Variants in PARD3B observed in about 807,000 individuals in gnomAD.
PARD3B encodes partitioning defective 3 homolog B.
Under a neutral mutation model 130.2 loss-of-function variants are expected in PARD3B, and 103 were observed. That is an observed-to-expected ratio of 0.79 (90% CI 0.67 to 0.93). The LOEUF is 0.93. Among genes scored for constraint, PARD3B ranks in the 40% least tolerant of loss-of-function variants. The pLI, the probability that PARD3B is intolerant of heterozygous loss-of-function variation, is 0.00. For missense variants in PARD3B, 1,609 were observed against 1,499.2 expected (o/e 1.07, Z -1.21); for synonymous variants, 583 against 553.2 (o/e 1.05, Z -0.76).
intron 4 of PARD3B, among the ~76,000 whole-genome samples, chr2:205,094,705 G>A (rs1458991906): frequency 6.6e-6 from 1 of 152,152 alleles, no homozygotes. Flanking sequence ...TGGCATGCGT[G>A]AAATGCCTGT....
chr2:204,965,926 T>TA (rs1205803785), intron 3 of PARD3B, among the ~76,000 whole-genome samples: 5 of 152,210 alleles, frequency 3.3e-5, no homozygotes. Context: ...GTTTTGGTGA[T>TA]ACCTCCTAAA....
At chr2:204,835,544 A>G (rs1421686699) in intron 2 of PARD3B, among the ~76,000 whole-genome samples, 2 of 152,020 alleles carry the variant, frequency 1.3e-5, no homozygotes, top group South Asian at 2.1e-4. Flanking sequence ...CCCTTCCCCA[A>G]ACTTGTATTG....
chr2:204,846,851 C>G (rs2044481445), intron 2 of PARD3B, among the ~76,000 whole-genome samples: 1 of 151,920 alleles, frequency 6.6e-6, no homozygotes. Context: ...GTTCAGTTCC[C>G]TGAATCACAG....
rs143179892 is a variant in PARD3B at position 205,610,753 on chromosome 2, T to C, written c.3261-4703T>C. On this transcript the variant is annotated intron_variant, in intron 22 of 22. Transcript: ENST00000406610. ...CTGTGTTGGACCCAATACAACCCTT[T>C]ATTCAGCCCACCATCCCTCCTACTT... 4.6e-5 allele frequency among the ~76,000 whole-genome samples: 7 copies of C among 152,300 alleles called. No individual in the cohort carries two copies. In the East Asian group the frequency reaches 1.3e-3, roughly 29 times the overall value.
At chr2:204,615,674 C>T (rs1448638067) in intron 1 of PARD3B, among the ~76,000 whole-genome samples, 4 of 152,090 alleles carry the variant, frequency 2.6e-5, no homozygotes, top group African/African-American at 7.2e-5. Flanking sequence ...TTTTAGACAG[C>T]GTCTGCCAAA....
At chr2:204,684,734 A>G (rs990372868) in intron 1 of PARD3B, among the ~76,000 whole-genome samples, 13 of 152,204 alleles carry the variant, frequency 8.5e-5, no homozygotes, top group Non-Finnish European at 1.6e-4. Context: ...CCCACTGCTT[A>G]TATCTTTGAG....
intron 2 of PARD3B, among the ~76,000 whole-genome samples, chr2:204,776,383 G>A (rs1448519029): frequency 2.6e-5 from 4 of 152,086 alleles, no homozygotes; most frequent in Non-Finnish European, 4.4e-5. Flanking sequence ...TGAACTCTTT[G>A]GCCTCAGAGG....
intron 2 of PARD3B, among the ~76,000 whole-genome samples, chr2:204,951,794 G>A (rs992323864): frequency 6.6e-6 from 1 of 152,190 alleles, no homozygotes; most frequent in African/African-American, 2.4e-5. Flanking sequence ...TGATAAACCA[G>A]CTGAATCCTG....
chr2:205,506,702 G>A (rs140175586), intron 21 of PARD3B, among the ~76,000 whole-genome samples: 224 of 152,296 alleles, frequency 1.5e-3, no homozygotes, highest in Non-Finnish European at 1.5e-3. Context: ...GCCATCAATG[G>A]TCCAATACCA....
intron 2 of PARD3B, among the ~76,000 whole-genome samples, chr2:204,928,181 G>A (rs1425385303): frequency 3.3e-5 from 5 of 152,038 alleles, no homozygotes; most frequent in Admixed American, 3.3e-4. Flanking sequence ...TATGACCTTG[G>A]CTGGGACAAT....
chr2:205,496,259 G>T (rs970069141), intron 20 of PARD3B, among the ~76,000 whole-genome samples: 3 of 152,040 alleles, frequency 2.0e-5, no homozygotes, highest in African/African-American at 7.3e-5. Flanking sequence ...TATTAATTTG[G>T]TGGTAAGCAT....
chr2:204,863,049 G>A (rs577485402), intron 2 of PARD3B, among the ~76,000 whole-genome samples: 3 of 152,268 alleles, frequency 2.0e-5, no homozygotes, highest in African/African-American at 7.2e-5. Context: ...TCGGGAAAGG[G>A]CGGGCTCCAT....
chr2:204,617,660 C>A (rs1334645474), intron 1 of PARD3B, among the ~76,000 whole-genome samples: 1 of 152,034 alleles, frequency 6.6e-6, no homozygotes, highest in Admixed American at 6.6e-5. Context: ...AATTTTGTCA[C>A]CCAAGTAACC....
chr2:204,614,222 T>A lies in PARD3B; in HGVS notation c.120+68103T>A, dbSNP rs77592198. On this transcript the variant is annotated intron_variant, in intron 1 of 22. Coordinates refer to ENST00000406610, the MANE Select transcript of PARD3B (RefSeq NM_001302769.2). ...ATGCAATTTAAAAGTTTCTAGTAGC[T>A]ACAGTAAGTTTAAAAACGTAAAGCT... Among the ~76,000 whole-genome samples the A allele has an allele frequency of 1.0e-3, 153 of 152,318 alleles. 2 individuals carry two copies. The highest frequency in any genetic ancestry group is 1.3e-3 in the Non-Finnish European group (90 of 68,028).
intron 11 of PARD3B, among the ~76,000 whole-genome samples, chr2:205,166,592 T>TA: frequency 6.6e-6 from 1 of 152,308 alleles, no homozygotes; most frequent in East Asian, 1.9e-4. Flanking sequence ...TGTTTTTAAA[T>TA]GAAGGTAAAT....
At chr2:204,884,198 G>A (rs1039118673) in intron 2 of PARD3B, among the ~76,000 whole-genome samples, 1 of 152,148 alleles carries the variant, frequency 6.6e-6, no homozygotes, top group Non-Finnish European at 1.5e-5. Flanking sequence ...TGTCGCCAGT[G>A]AGAGAAGAGC....
chr2:205,197,030 G>GTGTGTGTGTGT (rs1553636899), intron 15 of PARD3B, among the ~76,000 whole-genome samples: 2 of 17,076 alleles, frequency 1.2e-4, no homozygotes, highest in African/African-American at 4.1e-4. Context: ...CTGTGGGGGG[G>GTGTGTGTGTGT]GGGTGTGTGT....
intron 19 of PARD3B, among the ~76,000 whole-genome samples, chr2:205,419,418 T>C (rs1574973567): frequency 6.6e-6 from 1 of 152,208 alleles, no homozygotes; most frequent in East Asian, 1.9e-4. Flanking sequence ...GTCTTAGGTA[T>C]GTCATTATCA....
chr2:204,858,296 T>C (rs1226312995), intron 2 of PARD3B, among the ~76,000 whole-genome samples: 4 of 152,052 alleles, frequency 2.6e-5, no homozygotes, highest in Non-Finnish European at 5.9e-5. Context: ...TTATCCACAA[T>C]AGCCAGGATA....
Sources: allele counts gnomAD v4.1 joint callset (sites outside exome capture counted in the v4.1 genomes callset), GRCh38; gene constraint gnomAD v4.1.1; transcripts MANE v1.5; gene names NCBI Gene and HGNC (gene_info 2026-07-23, HGNC 2026-07-21).